Variants in ZRANB3 observed in about 807,000 individuals in gnomAD.
The protein encoded by ZRANB3 is zinc finger RANBP2-type containing 3.
A neutral mutation model predicts 133.8 loss-of-function variants in ZRANB3; 125 were observed. The ratio of observed to expected loss-of-function variants is 0.93; its 90% confidence interval spans 0.81 to 1.08. The LOEUF (loss-of-function observed/expected upper bound fraction) is 1.08, where lower values mean the gene tolerates loss of function less well. Among genes scored for constraint, ZRANB3 ranks in the 50% least tolerant of loss-of-function variants. The pLI is 0.00. For missense variants in ZRANB3, 1,229 were observed against 1,275.5 expected (o/e 0.96, Z 0.56); for synonymous variants, 387 against 432.7 (o/e 0.89, Z 1.31).
chr2:135,481,014 T>C (rs1313856514), intron 2 of ZRANB3, among the ~76,000 whole-genome samples: 2 of 151,926 alleles, frequency 1.3e-5, no homozygotes, highest in African/African-American at 2.4e-5. Flanking sequence ...CAGTCTATCA[T>C]TGTTGGACAT....
In ZRANB3 at chr2:135,345,543, A is replaced by C; in HGVS notation, c.677+7T>G. The C allele has an allele frequency of 6.3e-7, 1 of 1,594,434 alleles. No individual in the cohort carries two copies. Among genetic ancestry groups the C allele is most frequent in the Non-Finnish European group, 8.5e-7 (1 of 1,171,778 alleles). On this transcript the variant is annotated splice_region_variant and intron_variant, in intron 6 of 20. Coordinates refer to ENST00000264159, the MANE Select transcript of ZRANB3 (RefSeq NM_032143.4). ...GGAAAAAATTTACGGAAAATAGTTT[A>C]ACTTACCTGATGTGTGCATTACAGT...
chr2:135,472,366 G>A (rs923868583), intron 2 of ZRANB3, among the ~76,000 whole-genome samples: 9 of 152,008 alleles, frequency 5.9e-5, no homozygotes, highest in Non-Finnish European at 8.8e-5. Flanking sequence ...TGGGCATGGC[G>A]GCATGTGCCT....
chr2:135,254,372 A>G (rs1317475423), intron 12 of ZRANB3, among the ~76,000 whole-genome samples: 3 of 152,144 alleles, frequency 2.0e-5, no homozygotes. Context: ...TTTTTTCCTA[A>G]CTAAAGAGTA....
intron 3 of ZRANB3, among the ~76,000 whole-genome samples, chr2:135,372,340 GT>G (rs1686220999): frequency 6.6e-6 from 1 of 152,074 alleles, no homozygotes. Context: ...ATACATATTT[GT>G]TTTTTAAGCC....
chr2:135,523,443 C>T (rs1694027810), intron 1 of ZRANB3, among the ~76,000 whole-genome samples: 1 of 152,156 alleles, frequency 6.6e-6, no homozygotes, highest in Admixed American at 6.5e-5. Context: ...TTGTCTCTCA[C>T]TTCTGTTAGA....
intron 3 of ZRANB3, among the ~76,000 whole-genome samples, chr2:135,361,481 T>G (rs1419348947): frequency 2.0e-5 from 3 of 152,264 alleles, no homozygotes; most frequent in Non-Finnish European, 4.4e-5. Flanking sequence ...ATTATCCTGA[T>G]ACATAAAATT....
At chr2:135,303,520 G>T (rs184143416) in intron 8 of ZRANB3, among the ~76,000 whole-genome samples, 36 of 152,148 alleles carry the variant, frequency 2.4e-4, no homozygotes, top group Admixed American at 3.9e-4. Context: ...CAGATCAACT[G>T]ACAATCTATG....
intron 2 of ZRANB3, among the ~76,000 whole-genome samples, chr2:135,428,854 G>A (rs1292314908): frequency 6.6e-6 from 1 of 152,194 alleles, no homozygotes; most frequent in Non-Finnish European, 1.5e-5. Context: ...ACGCCATCCG[G>A]AATGGCTATT....
intron 6 of ZRANB3, among the ~76,000 whole-genome samples, chr2:135,326,898 C>CAAAA (rs56683794): frequency 3.3e-4 from 20 of 61,446 alleles, no homozygotes; most frequent in Non-Finnish European, 7.2e-4. Context: ...GACTCCATCT[C>CAAAA]AAAAAAAAAA....
chr2:135,369,683 G>A (rs926736182), intron 3 of ZRANB3, among the ~76,000 whole-genome samples: 16 of 152,124 alleles, frequency 1.1e-4, no homozygotes, highest in African/African-American at 3.6e-4. Flanking sequence ...GTAAGGTGGG[G>A]ACCTCATAGT....
chr2:135,248,086 G>A (rs1165346199), intron 12 of ZRANB3, among the ~76,000 whole-genome samples: 1 of 152,208 alleles, frequency 6.6e-6, no homozygotes, highest in Non-Finnish European at 1.5e-5. Flanking sequence ...CTGTTTCACA[G>A]ACTTCACTGG....
intron 2 of ZRANB3, among the ~76,000 whole-genome samples, chr2:135,424,894 G>A (rs1325693334): frequency 6.6e-6 from 1 of 152,096 alleles, no homozygotes; most frequent in Non-Finnish European, 1.5e-5. Context: ...GATCCTAAAA[G>A]CTTCCAGAAA....
chr2:135,292,778 G>A (rs944367428), intron 8 of ZRANB3, among the ~76,000 whole-genome samples: 4 of 152,176 alleles, frequency 2.6e-5, no homozygotes, highest in Admixed American at 2.6e-4. Flanking sequence ...TGTATAAGGT[G>A]TAAGGAAGGG....
At chr2:135,211,480 G>A (rs1694094747) in intron 17 of ZRANB3, among the ~76,000 whole-genome samples, 1 of 152,184 alleles carries the variant, frequency 6.6e-6, no homozygotes, top group Non-Finnish European at 1.5e-5. Context: ...GGCAGAGGTT[G>A]CAGTGAGCTG....
chr2:135,507,404 CTA>C lies in ZRANB3; in HGVS notation c.-7-2910_-7-2909del, dbSNP rs559954819. On this transcript the variant is annotated intron_variant, in intron 1 of 20. Coordinates refer to ENST00000264159, the MANE Select transcript of ZRANB3 (RefSeq NM_032143.4). ...GACACTTTCCCAGCCTGCCTTAGAGCTACTAATCAGATATACTATTGTGGACT... is the reference window on the plus strand; with the variant it reads ...GACACTTTCCCAGCCTGCCTTAGAGCCTAATCAGATATACTATTGTGGACT... Among the ~76,000 whole-genome samples the C allele has an allele frequency of 8.1e-4, 124 of 152,266 alleles. 1 individual carries two copies. Among genetic ancestry groups the C allele is most frequent in the African/African-American group, 2.6e-3 (110 of 41,554 alleles).
At chr2:135,240,619 C>A (rs912698197) in intron 12 of ZRANB3, among the ~76,000 whole-genome samples, 1 of 152,144 alleles carries the variant, frequency 6.6e-6, no homozygotes, top group African/African-American at 2.4e-5. Context: ...TCCTCTGTCA[C>A]CCAGGTTGGA....
chr2:135,231,585 C>T (rs999050476), intron 12 of ZRANB3, among the ~76,000 whole-genome samples: 1 of 152,026 alleles, frequency 6.6e-6, no homozygotes, highest in African/African-American at 2.4e-5. Flanking sequence ...CACGGTGAAA[C>T]CCCGTCACTA....
chr2:135,268,597 T>C (rs1680360117), intron 11 of ZRANB3, among the ~76,000 whole-genome samples: 1 of 152,232 alleles, frequency 6.6e-6, no homozygotes, highest in Non-Finnish European at 1.5e-5. Context: ...GGCTACCTTC[T>C]GTCCAAAATT....
intron 2 of ZRANB3, among the ~76,000 whole-genome samples, chr2:135,499,819 C>T (rs1172218715): frequency 1.3e-5 from 2 of 152,096 alleles, no homozygotes; most frequent in African/African-American, 2.4e-5. Context: ...TATTATGTAT[C>T]ACCCAAATTC....
Sources: gnomAD v4.1 joint callset for allele counts (sites outside exome capture counted in the v4.1 genomes callset) on GRCh38, gnomAD v4.1.1 for gene constraint, MANE v1.5 for transcripts, NCBI Gene and HGNC (gene_info 2026-07-23, HGNC 2026-07-21) for gene names.